TLL1: variants seen among roughly 807,000 people sequenced by gnomAD.
TLL1 encodes the protein tolloid like 1.
TLL1 carries 49 observed loss-of-function variants against 128.2 expected under a neutral mutation model. The observed-to-expected ratio is 0.38, with a 90% confidence interval of 0.30 to 0.48. The LOEUF (loss-of-function observed/expected upper bound fraction) is 0.48. Among genes scored for constraint, TLL1 ranks in the 20% least tolerant of loss-of-function variants. TLL1 has a pLI of 0.96. For missense variants in TLL1, 1,123 were observed against 1,242.0 expected (o/e 0.90, Z 1.44); for synonymous variants, 454 against 418.8 (o/e 1.08, Z -1.03).
intron 1 of TLL1, among the ~76,000 whole-genome samples, chr4:165,947,219 AG>A (rs1214396338): frequency 1.3e-5 from 2 of 151,976 alleles, no homozygotes; most frequent in Non-Finnish European, 2.9e-5. Flanking sequence ...TGGTGGGGAC[AG>A]GGTGCTCCCG....
At chr4:166,032,496 G>A (rs961738195) in intron 9 of TLL1, among the ~76,000 whole-genome samples, 33 of 152,124 alleles carry the variant, frequency 2.2e-4, no homozygotes, top group African/African-American at 7.7e-4. Flanking sequence ...CTGTATCAAT[G>A]GACAAACTAA....
chr4:165,997,367 C>T (rs979376706), intron 5 of TLL1, among the ~76,000 whole-genome samples: 9 of 152,204 alleles, frequency 5.9e-5, no homozygotes, highest in Non-Finnish European at 8.8e-5. Flanking sequence ...TAGCATTTAA[C>T]AATATCTAGT....
chr4:166,055,239 A>T lies in TLL1; in HGVS notation c.1688A>T (p.Asn563Ile), dbSNP rs1441617922. The T allele has an allele frequency of 6.2e-7, 1 of 1,613,716 alleles. No individual in the cohort carries two copies. The highest frequency in any genetic ancestry group is 1.1e-5 in the South Asian group (1 of 91,068). ...WMKFVSDGTVNKAGFAANFFK... is the reference protein window; with the variant it reads ...WMKFVSDGTVIKAGFAANFFK... The stretch of plus-strand genomic sequence containing the variant: ...AAGTTTGTTTCTGACGGAACTGTGA[A>T]CAAAGCAGGGTTTGCTGCTAACTTT... Residue 563 changes from asparagine (N) to isoleucine (I), a missense_variant, in exon 13 of 21, where the codon AAC becomes ATC. Physicochemically the swap from Asn to Ile is moderately radical, Grantham distance 149. Coordinates refer to ENST00000061240, the MANE Select transcript of TLL1 (RefSeq NM_012464.5).
At chr4:166,093,277 T>C (rs1220238673) in intron 19 of TLL1, among the ~76,000 whole-genome samples, 1 of 152,134 alleles carries the variant, frequency 6.6e-6, no homozygotes, top group Non-Finnish European at 1.5e-5. Flanking sequence ...GCAAGAGGAA[T>C]GCGCTAGGAG....
intron 18 of TLL1, among the ~76,000 whole-genome samples, chr4:166,090,355 T>G (rs1409439139): frequency 6.6e-6 from 1 of 152,066 alleles, no homozygotes; most frequent in African/African-American, 2.4e-5. Context: ...TCAATTAAAC[T>G]TTGCTTTGTG....
At chr4:165,907,143 G>A (rs1190275004) in intron 1 of TLL1, among the ~76,000 whole-genome samples, 3 of 152,108 alleles carry the variant, frequency 2.0e-5, no homozygotes, top group Non-Finnish European at 4.4e-5. Flanking sequence ...ACAGTTTTGT[G>A]TTTGTCCTCA....
chr4:166,020,229 T>A (rs59830257), intron 8 of TLL1, among the ~76,000 whole-genome samples: 1 of 152,098 alleles, frequency 6.6e-6, no homozygotes, highest in Admixed American at 6.5e-5. Flanking sequence ...AGGCAAATCC[T>A]TTGTCTTTAT....
At position 165,931,374 on chromosome 4, in the gene TLL1, G is replaced by A. The variant is rs532555739; in HGVS notation, c.169+57301G>A. Among the ~76,000 whole-genome samples the A allele has an allele frequency of 1.2e-3, 184 of 151,924 alleles. 1 individual carries two copies. Among genetic ancestry groups the A allele is most frequent in the African/African-American group, 4.1e-3 (171 of 41,412 alleles). ...ACTTTATACAGTTAGGTTTCTTTTG[G>A]GTTTACTTTTCTCATCCTTTAAAGT... On this transcript the variant is annotated intron_variant, in intron 1 of 20. Transcript: ENST00000061240.
chr4:166,097,988 G>C (rs894341248), intron 19 of TLL1, among the ~76,000 whole-genome samples: 11 of 152,036 alleles, frequency 7.2e-5, no homozygotes, highest in Admixed American at 2.0e-4. Flanking sequence ...TGGATAGGTT[G>C]GTGGGGCATT....
At chr4:166,065,273 C>CT (rs2111125099) in intron 15 of TLL1, among the ~76,000 whole-genome samples, 1 of 152,076 alleles carries the variant, frequency 6.6e-6, no homozygotes, top group East Asian at 1.9e-4. Context: ...AGCAAATAAT[C>CT]TTTTTTATTA....
At chr4:165,882,420 C>T (rs927998893) in intron 1 of TLL1, among the ~76,000 whole-genome samples, 11 of 151,956 alleles carry the variant, frequency 7.2e-5, no homozygotes, top group African/African-American at 2.2e-4. Context: ...TTGCCTCTTT[C>T]TTTTCTACCT....
At chr4:165,920,464 A>C (rs575884133) in intron 1 of TLL1, among the ~76,000 whole-genome samples, 17 of 152,380 alleles carry the variant, frequency 1.1e-4, no homozygotes, top group Non-Finnish European at 1.8e-4. Context: ...CAAAAGTAAC[A>C]GTTCAGTAAA....
intron 1 of TLL1, among the ~76,000 whole-genome samples, chr4:165,986,046 C>T (rs1736380487): frequency 6.6e-6 from 1 of 151,710 alleles, no homozygotes; most frequent in Non-Finnish European, 1.5e-5. Context: ...TCTCACTAAC[C>T]TCAAATCATG....
chr4:166,013,820 G>A (rs1421172805), intron 7 of TLL1, among the ~76,000 whole-genome samples: 1 of 151,316 alleles, frequency 6.6e-6, no homozygotes, highest in Non-Finnish European at 1.5e-5. Flanking sequence ...CATTGATTAG[G>A]TTTTCTTATT....
At chr4:165,899,412 G>T (rs1731845838) in intron 1 of TLL1, among the ~76,000 whole-genome samples, 1 of 152,104 alleles carries the variant, frequency 6.6e-6, no homozygotes, top group Admixed American at 6.5e-5. Flanking sequence ...AGAGATTCTG[G>T]TATGTTGTTT....
rs1451579021 is a variant in TLL1, at chr4:165,873,864, C to G, written c.-41C>G. 1 of 1,611,598 alleles carries G rather than the reference C, an allele frequency of 6.2e-7. No homozygotes were observed. The highest frequency in any genetic ancestry group is 8.5e-7 in the Non-Finnish European group (1 of 1,179,436). ...ATCAGCGCGGACCGCGGCTGCCTAA[C>G]CTCTGGGTCCCGTCCCCTCCTTTTC... On this transcript the variant is annotated 5_prime_UTR_variant, in exon 1 of 21. Coordinates refer to ENST00000061240, the MANE Select transcript of TLL1 (RefSeq NM_012464.5).
At chr4:165,898,229 C>G in intron 1 of TLL1, among the ~76,000 whole-genome samples, 1 of 147,772 alleles carries the variant, frequency 6.8e-6, no homozygotes, top group Non-Finnish European at 1.5e-5. Context: ...ATTTCTTTCT[C>G]TTGCCTGATT....
chr4:165,945,829 C>T (rs991159702), intron 1 of TLL1, among the ~76,000 whole-genome samples: 1 of 152,084 alleles, frequency 6.6e-6, no homozygotes, highest in East Asian at 1.9e-4. Flanking sequence ...TTCAGTCAAG[C>T]TAATCCAGGT....
chr4:166,100,212 T>A (rs1481566535), intron 20 of TLL1, among the ~76,000 whole-genome samples: 1 of 152,182 alleles, frequency 6.6e-6, no homozygotes, highest in Non-Finnish European at 1.5e-5. Flanking sequence ...TTCAAACGTC[T>A]ACCAGTAGCT....
Sources: gnomAD v4.1 joint callset for allele counts (sites outside exome capture counted in the v4.1 genomes callset) on GRCh38, gnomAD v4.1.1 for gene constraint, MANE v1.5 for transcripts, NCBI Gene and HGNC (gene_info 2026-07-23, HGNC 2026-07-21) for gene names.